Variants in NXPE2 observed in about 807,000 individuals in gnomAD.
The protein encoded by NXPE2 is neurexophilin and PC-esterase domain family member 2, also known as NXPE family member 2.
In NXPE2, 34 loss-of-function variants were observed where a neutral mutation model predicts 34.4. The observed-to-expected ratio is 0.99, with a 90% confidence interval of 0.75 to 1.31. The LOEUF (loss-of-function observed/expected upper bound fraction) is 1.31. Ranked by LOEUF, NXPE2 falls within the 40% of genes most tolerant of loss-of-function variation. The probability of loss-of-function intolerance (pLI) is 0.00; values close to 1 mark genes in which losing one functional copy is unlikely to be tolerated. For missense variants in NXPE2, 649 were observed against 672.5 expected, an observed-to-expected ratio of 0.97 and a Z score of 0.39; for synonymous variants, 235 against 231.3, an observed-to-expected ratio of 1.02 and a Z score of -0.15.
chr11:114,642,676 G>T, the NXPE2 span, among the ~76,000 whole-genome samples: 1 of 152,020 alleles, frequency 6.6e-6, no homozygotes, highest in East Asian at 1.9e-4. Context: ...ATGGACATTT[G>T]GGTTGGTTCC....
chr11:114,712,027 G>T (rs965607844), downstream of NXPE2, among the ~76,000 whole-genome samples: 1 of 152,098 alleles, frequency 6.6e-6, no homozygotes, highest in East Asian at 1.9e-4. Flanking sequence ...TTAACAAATA[G>T]TATTGGGAAA....
At chr11:114,531,756 T>TCC in the NXPE2 span, among the ~76,000 whole-genome samples, 2,785 of 152,270 alleles carry the variant, frequency 0.018, 89 homozygotes, top group African/African-American at 0.064. Context: ...TTGCTGAATA[T>TCC]CCCCTGAATT....
the NXPE2 span, among the ~76,000 whole-genome samples, chr11:114,605,969 G>A: frequency 6.6e-6 from 1 of 151,796 alleles, no homozygotes; most frequent in East Asian, 1.9e-4. Flanking sequence ...GTTGCCTCGT[G>A]GGTAACCATT....
At chr11:114,720,815 A>G in the NXPE2 span, among the ~76,000 whole-genome samples, 2 of 152,186 alleles carry the variant, frequency 1.3e-5, no homozygotes, top group Non-Finnish European at 2.9e-5. Context: ...TTTTTAATGT[A>G]TTCAGGTCCA....
At chr11:114,689,162 T>A (rs1328147415) in intron 2 of NXPE2, among the ~76,000 whole-genome samples, 1 of 152,096 alleles carries the variant, frequency 6.6e-6, no homozygotes, top group Non-Finnish European at 1.5e-5. Flanking sequence ...TTCTATTTCC[T>A]TTAGGTGTGA....
chr11:114,557,630 AATACATATATATATATAT>A, the NXPE2 span, among the ~76,000 whole-genome samples: 2 of 76,996 alleles, frequency 2.6e-5, no homozygotes, highest in East Asian at 3.4e-4. Flanking sequence ...TATTATATAT[AATACATATATATATATAT>A]ATATATATAT....
At chr11:114,532,571 A>G in the NXPE2 span, among the ~76,000 whole-genome samples, 11 of 152,170 alleles carry the variant, frequency 7.2e-5, no homozygotes, top group Non-Finnish European at 1.5e-4. Flanking sequence ...TCCCTAACTT[A>G]TATAACAAGG....
At chr11:114,474,441 G>A in the NXPE2 span, among the ~76,000 whole-genome samples, 15 of 152,170 alleles carry the variant, frequency 9.9e-5, no homozygotes, top group Non-Finnish European at 2.2e-4. Context: ...TAGCCTATAA[G>A]GTAGGAGGAA....
At chr11:114,658,451 T>G in the NXPE2 span, among the ~76,000 whole-genome samples, 261 of 152,212 alleles carry the variant, frequency 1.7e-3, no homozygotes, top group African/African-American at 5.9e-3. Context: ...TGGGCACTCA[T>G]GAGAAAGATG....
the NXPE2 span, among the ~76,000 whole-genome samples, chr11:114,735,041 C>T: frequency 5.9e-5 from 9 of 152,158 alleles, no homozygotes; most frequent in South Asian, 2.1e-4. Context: ...ACCTGGGAGG[C>T]GGAGCTTGCA....
chr11:114,705,976 A>G lies in NXPE2; in HGVS notation c.1124A>G (p.Tyr375Cys). 7.1e-7 allele frequency: 1 copy of G among 1,418,434 alleles called. No homozygotes were observed. The highest frequency in any genetic ancestry group is 9.3e-7 in the Non-Finnish European group (1 of 1,081,032). 87.9% of individuals were successfully genotyped at this position (1,418,434 alleles called of 1,614,324 possible). ...GDSTLHQWIYYLQKAVKTLKY... is the reference protein window; with the variant it reads ...GDSTLHQWIYCLQKAVKTLKY... The stretch of plus-strand genomic sequence containing the variant: ...TCAACACTGCATCAGTGGATTTACT[A>G]CTTACAAAAAGCTGTGAAAAGTATG... Residue 375 changes from tyrosine (Y) to cysteine (C), a missense_variant, in exon 5 of 6, where the codon TAC becomes TGC. Tyr to Cys is a radical substitution (Grantham distance 194). Transcript: ENST00000389586.
chr11:114,471,730 A>C, the NXPE2 span, among the ~76,000 whole-genome samples: 1 of 152,128 alleles, frequency 6.6e-6, no homozygotes, highest in Admixed American at 6.5e-5. Context: ...TCTCCTCCAA[A>C]CGTCTTGTCA....
the NXPE2 span, among the ~76,000 whole-genome samples, chr11:114,790,128 C>T: frequency 6.6e-6 from 1 of 152,122 alleles, no homozygotes; most frequent in Non-Finnish European, 1.5e-5. Flanking sequence ...CTGAAGAGCC[C>T]CCTCTGGCAT....
chr11:114,624,686 T>C, the NXPE2 span, among the ~76,000 whole-genome samples: 1 of 152,080 alleles, frequency 6.6e-6, no homozygotes, highest in Non-Finnish European at 1.5e-5. Context: ...GGAAAATAAG[T>C]ATTGCCTCTA....
chr11:114,736,050 A>C, the NXPE2 span, among the ~76,000 whole-genome samples: 1 of 152,168 alleles, frequency 6.6e-6, no homozygotes, highest in Non-Finnish European at 1.5e-5. Flanking sequence ...GGAGTGTATG[A>C]ATAGGGTGTG....
chr11:114,563,124 A>G, the NXPE2 span, among the ~76,000 whole-genome samples: 5 of 152,222 alleles, frequency 3.3e-5, no homozygotes, highest in African/African-American at 1.2e-4. Context: ...GTAGCATGCT[A>G]TAAAGTGGGG....
chr11:114,609,707 C>G, the NXPE2 span, among the ~76,000 whole-genome samples: 1 of 151,168 alleles, frequency 6.6e-6, no homozygotes, highest in Non-Finnish European at 1.5e-5. Flanking sequence ...ACCACTGTTA[C>G]CCGGTGGATA....
the NXPE2 span, chr11:114,570,903 T>A: frequency 2.7e-6 from 4 of 1,463,216 alleles, no homozygotes; most frequent in Admixed American, 4.0e-5. Context: ...TAAATTTTTT[T>A]ACTTAAGTGA....
chr11:114,481,749 T>G, the NXPE2 span, among the ~76,000 whole-genome samples: 1 of 152,148 alleles, frequency 6.6e-6, no homozygotes. Flanking sequence ...TTTAATTCTG[T>G]CTGTTGGCAA....
Sources: allele counts gnomAD v4.1 joint callset (sites outside exome capture counted in the v4.1 genomes callset), GRCh38; gene constraint gnomAD v4.1.1; transcripts MANE v1.5; gene names NCBI Gene and HGNC (gene_info 2026-07-23, HGNC 2026-07-21).